The following KCNJ5 variants were observed in gnomAD, a reference collection of about 807,000 sequenced individuals.
The protein encoded by KCNJ5 is potassium inwardly rectifying channel subfamily J member 5, also known as G protein-activated inward rectifier potassium channel 4.
In KCNJ5, 12 loss-of-function variants were observed where a neutral mutation model predicts 20.2. The ratio of observed to expected loss-of-function variants is 0.59; its 90% CI spans 0.38 to 0.96. The LOEUF is 0.96. Ranked by LOEUF, KCNJ5 falls within the 40% of genes least tolerant of loss-of-function variation. The probability of loss-of-function intolerance (pLI) is 0.00; values close to 1 mark genes in which losing one functional copy is unlikely to be tolerated. For missense variants in KCNJ5, 449 were observed against 557.6 expected (o/e 0.81, Z 1.96); for synonymous variants, 210 against 213.9 (o/e 0.98, Z 0.16).
At position 128,903,540 on chromosome 11, in the gene KCNJ5, G is replaced by T. The variant is rs1288250780; in HGVS notation, c.-10-7724G>T. 3.1e-6 allele frequency: 5 copies of T among 1,612,158 alleles called. No homozygotes were observed. In the Admixed American group the frequency reaches 5.0e-5, roughly 16 times the overall value. On this transcript the variant is annotated intron_variant, in intron 1 of 2. Coordinates refer to ENST00000529694, the MANE Select transcript of KCNJ5 (RefSeq NM_000890.5). ...AGATGAAGGAGAATCCAGTGAAGGGGTGTTAAGAATGAAATCAGTGGCTGC... is the reference window on the plus strand; with the variant it reads ...AGATGAAGGAGAATCCAGTGAAGGGTTGTTAAGAATGAAATCAGTGGCTGC...
intron 1 of KCNJ5, chr11:128,903,529 C>G (rs1383917025): frequency 2.5e-6 from 4 of 1,613,306 alleles, no homozygotes; most frequent in Non-Finnish European, 3.4e-6. Context: ...GAAGGAGAAT[C>G]CAGTGAAGGG....
chr11:128,896,542 G>C (rs1944179427), intron 1 of KCNJ5, among the ~76,000 whole-genome samples: 1 of 152,050 alleles, frequency 6.6e-6, no homozygotes, highest in African/African-American at 2.4e-5. Flanking sequence ...TTTTGGGATT[G>C]GCTTTTTTCA....
At chr11:128,903,620 G>A (rs1207292150) in intron 1 of KCNJ5, 2 of 1,180,772 alleles carry the variant, frequency 1.7e-6, no homozygotes, top group Non-Finnish European at 2.4e-6. Flanking sequence ...GACCTTCAGA[G>A]AGTGACGGGG....
Position 128,911,414 on chromosome 11 carries a change from G to C in KCNJ5, c.141G>C (p.Lys47Asn), listed in dbSNP as rs1298630101. The C allele has an allele frequency of 6.2e-7, 1 of 1,614,276 alleles. No homozygotes were observed. The highest frequency in any genetic ancestry group is 8.5e-7 in the Non-Finnish European group (1 of 1,180,052). The change falls in exon 2 of 3, where the codon AAG (lysine) becomes AAC (asparagine). Residue 47 changes from lysine (K) to asparagine (N), a missense_variant. Lys to Asn is a moderately conservative substitution (Grantham distance 94). Transcript: ENST00000529694. The surrounding 1 kb of genome is among the most constrained non-coding windows in gnomAD (Gnocchi z 6.3). ...GTACGCGCCTGCTGGCCGAGGGCAA[G>C]AAGCCACGCCAGCGCTACATGGAGA... ...TDRTRLLAEG[K>N]KPRQRYMEKS...
chr11:128,902,935 A>G (rs1456777527), intron 1 of KCNJ5, among the ~76,000 whole-genome samples: 1 of 152,208 alleles, frequency 6.6e-6, no homozygotes, highest in Non-Finnish European at 1.5e-5. Context: ...AAATTGTTGA[A>G]TTAGTGGTCA....
At chr11:128,902,172 G>A (rs1473162898) in intron 1 of KCNJ5, 1 of 216,804 alleles carries the variant, frequency 4.6e-6, no homozygotes, top group Admixed American at 5.2e-5. Flanking sequence ...TCAGCACCTG[G>A]GGCCTCATTC....
chr11:128,907,347 C>A (rs1158596489), intron 1 of KCNJ5, among the ~76,000 whole-genome samples: 1 of 152,230 alleles, frequency 6.6e-6, no homozygotes, highest in East Asian at 1.9e-4. Context: ...AGGGCCCTGA[C>A]TCCTGACATT....
At chr11:128,907,676 A>T (rs1457095108) in intron 1 of KCNJ5, among the ~76,000 whole-genome samples, 1 of 152,226 alleles carries the variant, frequency 6.6e-6, no homozygotes, top group Admixed American at 6.5e-5. Flanking sequence ...GATTTGCTCA[A>T]GTCAGTGCCT....
intron 1 of KCNJ5, among the ~76,000 whole-genome samples, chr11:128,907,641 T>C (rs1181240538): frequency 6.6e-6 from 1 of 152,210 alleles, no homozygotes; most frequent in Non-Finnish European, 1.5e-5. Context: ...AGAAGAGAAG[T>C]ATCAGGCTTG....
chr11:128,904,867 G>C (rs1944369683), intron 1 of KCNJ5, among the ~76,000 whole-genome samples: 1 of 152,120 alleles, frequency 6.6e-6, no homozygotes, highest in African/African-American at 2.4e-5. Flanking sequence ...CCCGTAAAAC[G>C]TTCAGAAATT....
chr11:128,912,253 C>T, intron 2 of KCNJ5, 43 bp downstream of exon 2: 1 of 1,491,498 alleles, frequency 6.7e-7, no homozygotes, highest in Non-Finnish European at 9.2e-7. Flanking sequence ...GCCCTACCTA[C>T]ACTTCAGACT....
intron 1 of KCNJ5, among the ~76,000 whole-genome samples, chr11:128,892,700 A>G (rs1423494000): frequency 6.6e-6 from 1 of 152,210 alleles, no homozygotes; most frequent in African/African-American, 2.4e-5. Flanking sequence ...TCTCTCCTAT[A>G]TCTGACTCCA....
At chr11:128,894,985 G>A (rs1039589763) in intron 1 of KCNJ5, among the ~76,000 whole-genome samples, 9 of 152,142 alleles carry the variant, frequency 5.9e-5, no homozygotes, top group African/African-American at 1.7e-4. Context: ...CAAGCTGAGG[G>A]CAAAGGTCAT....
intron 1 of KCNJ5, among the ~76,000 whole-genome samples, chr11:128,895,965 A>G (rs1591437559): frequency 6.6e-6 from 1 of 152,266 alleles, no homozygotes; most frequent in East Asian, 1.9e-4. Context: ...CGGCTGTCCC[A>G]GGGCACCTGC....
At position 128,902,198 on chromosome 11, in the gene KCNJ5, C is replaced by A. The variant is rs1944294893; in HGVS notation, c.-10-9066C>A. ...GGCCTCATTCCACTCATCTCGCACA[C>A]CTCTGCAGTCCCTTCCACGATGCCC... On this transcript the variant is annotated intron_variant, in intron 1 of 2. Transcript: ENST00000529694. The A allele has an allele frequency of 9.9e-6, 3 of 304,392 alleles. No individual in the cohort carries two copies. In the South Asian group the frequency reaches 1.1e-4, roughly 12 times the overall value. The allele number at this position is 304,392 out of a possible 1,614,324, so 18.9% of individuals were successfully genotyped here. A position where few individuals can be genotyped will look rare whatever the true frequency, so the allele number is the denominator to read the frequency against.
At chr11:128,915,017 C>T (rs1192751612) in intron 2 of KCNJ5, among the ~76,000 whole-genome samples, 1 of 152,240 alleles carries the variant, frequency 6.6e-6, no homozygotes, top group Admixed American at 6.5e-5. Flanking sequence ...GCTGTGGGCG[C>T]ACCTGTGTGG....
chr11:128,894,393 G>T (rs1944140240), intron 1 of KCNJ5, among the ~76,000 whole-genome samples: 1 of 152,160 alleles, frequency 6.6e-6, no homozygotes, highest in Admixed American at 6.5e-5. Flanking sequence ...GAAGGCAGGG[G>T]TCAGGGAATC....
intron 1 of KCNJ5, chr11:128,900,167 T>C (rs1239759012): frequency 6.6e-6 from 1 of 152,208 alleles, no homozygotes; most frequent in Admixed American, 6.5e-5. Context: ...ATATTTTAAA[T>C]ACCATCAAAA....
intron 2 of KCNJ5, among the ~76,000 whole-genome samples, chr11:128,914,614 G>A (rs1591452569): frequency 6.6e-6 from 1 of 152,188 alleles, no homozygotes; most frequent in South Asian, 2.1e-4. Flanking sequence ...CTGCCTGAGC[G>A]GGTTTGAGCA....
Sources: allele counts gnomAD v4.1 joint callset (sites outside exome capture counted in the v4.1 genomes callset), GRCh38; gene constraint gnomAD v4.1.1; non-coding constraint Gnocchi (gnomAD v3.1); transcripts MANE v1.5; gene names NCBI Gene and HGNC (gene_info 2026-07-23, HGNC 2026-07-21).